The following CACNA1A variants were observed in gnomAD, a reference collection of about 807,000 sequenced individuals.
CACNA1A encodes the protein voltage-dependent P/Q-type calcium channel subunit alpha-1A.
In CACNA1A, 57 loss-of-function variants were observed where a neutral mutation model predicts 262.4. The ratio of observed to expected loss-of-function variants is 0.22; its 90% CI spans 0.18 to 0.27. The LOEUF is 0.27. CACNA1A is among the 10% of genes least tolerant of loss of function. The pLI, the probability that CACNA1A is intolerant of heterozygous loss-of-function variation, is 1.00. For synonymous variants in CACNA1A, 1,431 were observed against 1,419.3 expected (o/e 1.01, Z -0.18); for missense variants, 2,526 against 3,562.8 (o/e 0.71, Z 7.41).
intron 8 of CACNA1A, among the ~76,000 whole-genome samples, chr19:13,333,281 T>C (rs1037214026): frequency 6.6e-6 from 1 of 152,078 alleles, no homozygotes; most frequent in African/African-American, 2.4e-5. Flanking sequence ...TCAAATACGT[T>C]CCTAGCTCAG....
At chr19:13,500,184 A>T (rs980513112) in intron 1 of CACNA1A, among the ~76,000 whole-genome samples, 7 of 152,308 alleles carry the variant, frequency 4.6e-5, no homozygotes, top group Non-Finnish European at 8.8e-5. Flanking sequence ...GATCAGATAG[A>T]TGTTATACAA....
chr19:13,217,129 C>T (rs962126176), intron 38 of CACNA1A, among the ~76,000 whole-genome samples: 1 of 152,142 alleles, frequency 6.6e-6, no homozygotes, highest in Non-Finnish European at 1.5e-5. Context: ...GAACGAGACT[C>T]CGTCTCAAAA....
chr19:13,435,900 C>A (rs2060604675), intron 3 of CACNA1A, among the ~76,000 whole-genome samples: 1 of 152,212 alleles, frequency 6.6e-6, no homozygotes, highest in African/African-American at 2.4e-5. Context: ...ACTCAGCTCA[C>A]TGCAACCTCC....
At position 13,406,465 on chromosome 19, in the gene CACNA1A, T is replaced by TTTTATATATA. The variant is rs1555781801; in HGVS notation, c.540-34687_540-34686insTATATATAAA. The stretch of plus-strand genomic sequence containing the variant: ...GGGAGACTCTGTCTCAAAAAAAAAA[T>TTTTATATATA]TATATATATATATATATATATATAT... On this transcript the variant is annotated intron_variant, in intron 3 of 46. Coordinates refer to ENST00000360228, the MANE Select transcript of CACNA1A (RefSeq NM_001127222.2). 3.5e-4 allele frequency among the ~76,000 whole-genome samples: 11 copies of TTTTATATATA among 31,548 alleles called. 1 individual carries two copies. In the South Asian group the frequency reaches 5.0e-3, roughly 14 times the overall value. The allele number at this position is 31,548 out of a possible 152,430, so 20.7% of individuals were successfully genotyped here. A position where few individuals can be genotyped will look rare whatever the true frequency, so the allele number is the denominator to read the frequency against.
At chr19:13,473,739 T>C (rs1256351344) in intron 1 of CACNA1A, among the ~76,000 whole-genome samples, 1 of 126,418 alleles carries the variant, frequency 7.9e-6, no homozygotes, top group African/African-American at 2.6e-5. Flanking sequence ...TCCAGGCACA[T>C]GGCAGGCTCC....
intron 19 of CACNA1A, 102 bp from the exon 20 acceptor site, chr19:13,287,068 TG>T: frequency 9.6e-7 from 1 of 1,037,942 alleles, no homozygotes; most frequent in South Asian, 1.7e-5. Context: ...GAGTACAATT[TG>T]GGCTGGGCGC....
chr19:13,400,326 A>G (rs2059878544), intron 3 of CACNA1A, among the ~76,000 whole-genome samples: 1 of 152,174 alleles, frequency 6.6e-6, no homozygotes, highest in South Asian at 2.1e-4. Flanking sequence ...ATGCCTATTT[A>G]TATTTTCAAA....
At chr19:13,335,274 C>A (rs1209316570) in intron 7 of CACNA1A, among the ~76,000 whole-genome samples, 1 of 152,150 alleles carries the variant, frequency 6.6e-6, no homozygotes, top group Non-Finnish European at 1.5e-5. Context: ...CATGAAGTGG[C>A]CATCCGGAGG....
rs1208910151 is a variant in CACNA1A, at chr19:13,208,178, GGGGGA to G, written c.6781-130_6781-126del. ...GCCGGGAGGAGAGGGAGGAGGGGGA[GGGGGA>G]GGAGGAGGAGGAGGAGGAGAGGGGG... On this transcript the variant is annotated intron_variant, in intron 46 of 46. Transcript: ENST00000360228. 176 of 246,288 alleles carry G rather than the reference GGGGGA, an allele frequency of 7.1e-4. 2 individuals are homozygous for G. Among genetic ancestry groups the G allele is most frequent in the African/African-American group, 7.0e-3 (165 of 23,548 alleles). The allele number at this position is 246,288 out of a possible 1,614,324, so 15.3% of individuals were successfully genotyped here. A position where few individuals can be genotyped will look rare whatever the true frequency, so the allele number is the denominator to read the frequency against.
chr19:13,409,849 T>C (rs940653539), intron 3 of CACNA1A, among the ~76,000 whole-genome samples: 1 of 152,332 alleles, frequency 6.6e-6, no homozygotes, highest in African/African-American at 2.4e-5. Flanking sequence ...ATTACAGGCA[T>C]GCACCACTGC....
intron 3 of CACNA1A, among the ~76,000 whole-genome samples, chr19:13,433,875 G>T (rs1415969976): frequency 2.6e-5 from 4 of 152,166 alleles, no homozygotes; most frequent in Non-Finnish European, 5.9e-5. Context: ...TGGAAACAGG[G>T]TCTTTACTTT....
chr19:13,413,401 C>T (rs1382641139), intron 3 of CACNA1A, among the ~76,000 whole-genome samples: 2 of 150,824 alleles, frequency 1.3e-5, no homozygotes, highest in East Asian at 2.0e-4. Flanking sequence ...CCACCGTGCC[C>T]GGCCTACAAA....
chr19:13,207,972 G>C lies in CACNA1A; in HGVS notation c.6862C>G (p.Gln2288Glu). 1 of 1,334,282 alleles carries C rather than the reference G, an allele frequency of 7.5e-7. No homozygotes were observed. The highest frequency in any genetic ancestry group is 9.6e-7 in the Non-Finnish European group (1 of 1,046,842). 82.7% of individuals were successfully genotyped at this position (1,334,282 alleles called of 1,614,324 possible). ...TPRRGRRQLP[Q>E]TPSTPRPHVS... ...TGTGGCCGGGGGGTGGAGGGGGTCT[G>C]GGGGAGCTGGCGGCGGCCCCGCCGC... The change falls in exon 47 of 47, where the codon CAG (glutamine) becomes GAG (glutamate). Residue 2288 changes from glutamine to glutamate, a missense_variant. Transcript: ENST00000360228. This position sits in a 1 kb window ranked among gnomAD's most constrained non-coding sequence, Gnocchi z 5.7.
intron 10 of CACNA1A, among the ~76,000 whole-genome samples, chr19:13,321,190 C>T (rs532740335): frequency 1.3e-5 from 2 of 152,054 alleles, no homozygotes; most frequent in South Asian, 2.1e-4. Flanking sequence ...CCCACTACCA[C>T]GTCCGAATAA....
At chr19:13,233,904 T>C (rs929327271) in intron 34 of CACNA1A, among the ~76,000 whole-genome samples, 4 of 152,148 alleles carry the variant, frequency 2.6e-5, no homozygotes, top group African/African-American at 7.2e-5. Context: ...AAAATGTCTC[T>C]TTTCTCTATT....
At chr19:13,417,499 TTC>T (rs1444686599) in intron 3 of CACNA1A, among the ~76,000 whole-genome samples, 1 of 152,190 alleles carries the variant, frequency 6.6e-6, no homozygotes, top group African/African-American at 2.4e-5. Flanking sequence ...CAGTCGTGGA[TTC>T]TCTGTTTCTG....
rs1285665891 is a variant in CACNA1A at position 13,505,970 on chromosome 19, G to A, written c.255C>T (p.Asn85=). 1.2e-5 allele frequency: 20 copies of A among 1,613,740 alleles called. No homozygotes were observed. In the East Asian group the frequency reaches 3.1e-4, roughly 25 times the overall value. ...NRSLFLFSED[N]VVRKYAKKIT... is the part of the protein sequence containing the mutation. ...TCTTTTTGGCGTATTTTCTCACCACGTTGTCTTCGCTGAAGAGGAAGAGAG... is the reference window on the plus strand; with the variant it reads ...TCTTTTTGGCGTATTTTCTCACCACATTGTCTTCGCTGAAGAGGAAGAGAG... The change falls in exon 1 of 47, where the codon AAC becomes AAT. Residue 85 remains asparagine (N), a synonymous_variant. Coordinates refer to ENST00000360228, the MANE Select transcript of CACNA1A (RefSeq NM_001127222.2).
At chr19:13,304,393 C>T (rs2057854398) in intron 15 of CACNA1A, among the ~76,000 whole-genome samples, 1 of 151,782 alleles carries the variant, frequency 6.6e-6, no homozygotes, top group Non-Finnish European at 1.5e-5. Context: ...CTTTGGGAGG[C>T]CAAGGTGGGA....
chr19:13,461,818 C>T (rs905011119), intron 1 of CACNA1A, among the ~76,000 whole-genome samples: 8 of 152,126 alleles, frequency 5.3e-5, no homozygotes, highest in African/African-American at 1.4e-4. Flanking sequence ...GAGGCCAAAG[C>T]GGGGCGGGGG....
Sources: allele counts gnomAD v4.1 joint callset (sites outside exome capture counted in the v4.1 genomes callset), GRCh38; gene constraint gnomAD v4.1.1; non-coding constraint Gnocchi (gnomAD v3.1); transcripts MANE v1.5; gene names NCBI Gene and HGNC (gene_info 2026-07-23, HGNC 2026-07-21).